Variants in ARNT2 observed in about 807,000 individuals in gnomAD.
ARNT2 encodes the protein ARNT protein 2.
In ARNT2, 36 loss-of-function variants were observed where a neutral mutation model predicts 91.7. The ratio of observed to expected loss-of-function variants is 0.39; its 90% CI spans 0.30 to 0.52. The LOEUF (loss-of-function observed/expected upper bound fraction) is 0.52, where lower values mean the gene tolerates loss of function less well. ARNT2 is among the 20% of genes least tolerant of loss of function. The probability of loss-of-function intolerance (pLI) is 0.72; values close to 1 mark genes in which losing one functional copy is unlikely to be tolerated. For synonymous variants in ARNT2, 365 were observed against 347.1 expected (o/e 1.05, Z -0.57); for missense variants, 775 against 939.3 (o/e 0.83, Z 2.29).
Position 80,410,327 on chromosome 15 carries a change from G to C in ARNT2, c.31+5781G>C, listed in dbSNP as rs535813486. 1.9e-3 allele frequency among the ~76,000 whole-genome samples: 290 copies of C among 152,316 alleles called. 2 individuals are homozygous for C. Among genetic ancestry groups the C allele is most frequent in the African/African-American group, 6.6e-3 (274 of 41,562 alleles). On this transcript the variant is annotated intron_variant, in intron 1 of 18. Coordinates refer to ENST00000303329, the MANE Select transcript of ARNT2 (RefSeq NM_014862.4). ...ATCATGACTTCATTGTAAGGAGTTA[G>C]GGGAAGAGTCAAGGACGATTCCCAG...
chr15:80,425,667 T>C (rs1182993549), intron 1 of ARNT2, among the ~76,000 whole-genome samples: 2 of 152,206 alleles, frequency 1.3e-5, no homozygotes, highest in Non-Finnish European at 2.9e-5. Flanking sequence ...GCTGCACCTA[T>C]TGACCCATTT....
intron 5 of ARNT2, among the ~76,000 whole-genome samples, chr15:80,484,654 C>T (rs1022080406): frequency 3.3e-5 from 5 of 152,220 alleles, no homozygotes; most frequent in Non-Finnish European, 2.9e-5. Context: ...GGACAGATTT[C>T]CAGCCCAGGC....
At chr15:80,511,584 G>A (rs1330095467) in intron 6 of ARNT2, among the ~76,000 whole-genome samples, 2 of 152,120 alleles carry the variant, frequency 1.3e-5, no homozygotes, top group East Asian at 1.9e-4. Context: ...TGGACATGTA[G>A]TTCTGGAATC....
chr15:80,488,245 G>T (rs1027714220), intron 5 of ARNT2, among the ~76,000 whole-genome samples: 21 of 152,308 alleles, frequency 1.4e-4, no homozygotes, highest in African/African-American at 4.8e-4. Flanking sequence ...GTTCTCTTCA[G>T]TGGTTCAACA....
rs1893330718 is a variant in ARNT2, at chr15:80,593,926, A to AT, written c.*231dup. 1.8e-6 allele frequency: 1 copy of AT among 547,254 alleles called. No homozygotes were observed. The highest frequency in any genetic ancestry group is 3.3e-6 in the Non-Finnish European group (1 of 306,996). The allele number at this position is 547,254 out of a possible 1,614,324, so 33.9% of individuals were successfully genotyped here. A position where few individuals can be genotyped will look rare whatever the true frequency, so the allele number is the denominator to read the frequency against. ...TGGCAGACATTAGGGGATCAGTTGT[A>AT]TTTATTGTATTTTATCTGTGTGTGC... On this transcript the variant is annotated 3_prime_UTR_variant, in exon 19 of 19. Transcript: ENST00000303329.
In ARNT2 at chr15:80,515,620, C is replaced by A. The variant is rs375183838; in HGVS notation, c.877+1215C>A. On this transcript the variant is annotated intron_variant, in intron 8 of 18. Transcript: ENST00000303329. ...ATGACTGCTAATGGATACAGTGTTT[C>A]TTTTGGGGGTGACAGAGGTGTTCTA... is the stretch of plus-strand genomic sequence containing the variant. Among the ~76,000 whole-genome samples the A allele has an allele frequency of 5.9e-5, 9 of 151,526 alleles. No homozygotes were observed. The East Asian group carries it at 1.4e-3, about 23-fold the overall frequency.
At chr15:80,518,741 T>C (rs1897483533) in intron 8 of ARNT2, among the ~76,000 whole-genome samples, 2 of 152,130 alleles carry the variant, frequency 1.3e-5, no homozygotes, top group African/African-American at 4.8e-5. Flanking sequence ...AAGTGTTTCT[T>C]GTCTCTCCCT....
At chr15:80,450,762 G>A (rs1473536854) in intron 1 of ARNT2, 118 bp from the exon 2 acceptor site, 2 of 960,708 alleles carry the variant, frequency 2.1e-6, no homozygotes, top group Admixed American at 3.7e-5. Flanking sequence ...GCGGCCGCAG[G>A]ATGCAGGTCC....
chr15:80,567,163 G>A (rs540711775), intron 12 of ARNT2, among the ~76,000 whole-genome samples: 1 of 152,280 alleles, frequency 6.6e-6, no homozygotes, highest in South Asian at 2.1e-4. Context: ...GTTATGGAGG[G>A]TGCTGAGCAT....
At chr15:80,444,649 T>G (rs1896262445) in intron 1 of ARNT2, 1 of 151,156 alleles carries the variant, frequency 6.6e-6, no homozygotes, top group African/African-American at 2.5e-5. Flanking sequence ...TGTGTGTGCG[T>G]GGTGTGTGTG....
chr15:80,411,399 T>C (rs759296284), intron 1 of ARNT2, among the ~76,000 whole-genome samples: 2 of 152,216 alleles, frequency 1.3e-5, no homozygotes, highest in Non-Finnish European at 2.9e-5. Context: ...GGGAACTGTC[T>C]TTTATTTTGT....
intron 8 of ARNT2, among the ~76,000 whole-genome samples, chr15:80,524,226 G>A (rs1298495384): frequency 6.6e-6 from 1 of 151,952 alleles, no homozygotes; most frequent in African/African-American, 2.4e-5. Context: ...CTATCAAAAG[G>A]TAAAAAATAG....
chr15:80,568,948 G>A (rs7403609), intron 12 of ARNT2, among the ~76,000 whole-genome samples: 42,803 of 152,014 alleles, frequency 0.28, 7,770 homozygotes, highest in African/African-American at 0.52. Context: ...GCACACACAC[G>A]CGCGTGCACA....
At chr15:80,510,959 A>G (rs1199807340) in intron 6 of ARNT2, among the ~76,000 whole-genome samples, 2 of 152,212 alleles carry the variant, frequency 1.3e-5, no homozygotes, top group African/African-American at 4.8e-5. Flanking sequence ...ATTGTGGAAG[A>G]CAGTGTGGTG....
At chr15:80,579,470 A>G (rs1898751797) in intron 15 of ARNT2, among the ~76,000 whole-genome samples, 1 of 152,086 alleles carries the variant, frequency 6.6e-6, no homozygotes, top group African/African-American at 2.4e-5. Flanking sequence ...CAATAGTAAA[A>G]TTTTACCCAA....
intron 4 of ARNT2, among the ~76,000 whole-genome samples, chr15:80,472,107 G>A (rs533216189): frequency 1.6e-3 from 3 of 1,872 alleles, no homozygotes; most frequent in African/African-American, 6.3e-3. Flanking sequence ...TATAGCCGGT[G>A]GGGGGGCATT....
At chr15:80,512,028 C>T (rs150004534) in intron 6 of ARNT2, among the ~76,000 whole-genome samples, 5 of 152,294 alleles carry the variant, frequency 3.3e-5, no homozygotes, top group Non-Finnish European at 5.9e-5. Context: ...CACCTAATTG[C>T]GTGCCACAGG....
intron 1 of ARNT2, among the ~76,000 whole-genome samples, chr15:80,406,013 A>G (rs1322964492): frequency 6.6e-6 from 1 of 152,178 alleles, no homozygotes; most frequent in African/African-American, 2.4e-5. Context: ...CTAAGGAGGG[A>G]ACAAGACTTG....
At chr15:80,516,296 C>T (rs1462225609) in intron 8 of ARNT2, among the ~76,000 whole-genome samples, 2 of 152,162 alleles carry the variant, frequency 1.3e-5, no homozygotes, top group African/African-American at 4.8e-5. Context: ...ATGTTGAAAT[C>T]TCCAATTATA....
Sources: gnomAD v4.1 joint callset for allele counts (sites outside exome capture counted in the v4.1 genomes callset) on GRCh38, gnomAD v4.1.1 for gene constraint, MANE v1.5 for transcripts, NCBI Gene and HGNC (gene_info 2026-07-23, HGNC 2026-07-21) for gene names.